GPHN: variants seen among roughly 807,000 people sequenced by gnomAD.
GPHN encodes gephyrin.
GPHN carries 17 observed loss-of-function variants against 95.5 expected under a neutral mutation model. The ratio of observed to expected loss-of-function variants is 0.18; its 90% confidence interval spans 0.12 to 0.27. The LOEUF (loss-of-function observed/expected upper bound fraction) is 0.27, where lower values mean the gene tolerates loss of function less well. GPHN is among the 10% of genes least tolerant of loss of function. GPHN has a pLI of 1.00. For missense variants in GPHN, 660 were observed against 978.1 expected (o/e 0.67, Z 4.34); for synonymous variants, 320 against 322.5 (o/e 0.99, Z 0.08).
intron 3 of GPHN, among the ~76,000 whole-genome samples, chr14:66,800,814 T>C (rs972709977): frequency 1.3e-5 from 2 of 152,132 alleles, no homozygotes; most frequent in African/African-American, 4.8e-5. Flanking sequence ...TCTCCTCTTT[T>C]TAGGCCTGTA....
intron 1 of GPHN, among the ~76,000 whole-genome samples, chr14:66,632,916 C>T (rs2063898912): frequency 6.6e-6 from 1 of 152,192 alleles, no homozygotes; most frequent in Non-Finnish European, 1.5e-5. Flanking sequence ...TCTTACTTCA[C>T]TTAGTGGAAC....
At chr14:66,831,508 T>C (rs114437872) in intron 4 of GPHN, among the ~76,000 whole-genome samples, 1 of 152,198 alleles carries the variant, frequency 6.6e-6, no homozygotes, top group African/African-American at 2.4e-5. Context: ...CATCCTAATT[T>C]TATGAAATAG....
At chr14:67,227,154 G>A in the GPHN span, among the ~76,000 whole-genome samples, 1 of 152,028 alleles carries the variant, frequency 6.6e-6, no homozygotes, top group African/African-American at 2.4e-5. Context: ...TGAAAAATTT[G>A]CTCCCAGCTG....
intron 9 of GPHN, among the ~76,000 whole-genome samples, chr14:66,991,268 G>A (rs1377441781): frequency 1.3e-5 from 2 of 152,004 alleles, no homozygotes; most frequent in African/African-American, 4.8e-5. Context: ...TTGTACCTAA[G>A]CAGAATTTTA....
intron 10 of GPHN, among the ~76,000 whole-genome samples, chr14:67,056,000 T>G (rs1018377280): frequency 6.6e-6 from 1 of 152,174 alleles, no homozygotes. Context: ...ACCTTCACCG[T>G]GAGTGTTACA....
chr14:67,302,105 G>A, the GPHN span: 444 of 1,601,842 alleles, frequency 2.8e-4, 5 homozygotes, highest in East Asian at 9.8e-3. Context: ...GAAAAGGCTC[G>A]TGATATTCCG....
intron 2 of GPHN, among the ~76,000 whole-genome samples, chr14:66,696,106 A>G (rs1052886487): frequency 6.6e-6 from 1 of 152,236 alleles, no homozygotes; most frequent in African/African-American, 2.4e-5. Flanking sequence ...ATATTGCAGT[A>G]CAAGGGATAT....
At chr14:67,726,677 G>A in the GPHN span, among the ~76,000 whole-genome samples, 8 of 152,322 alleles carry the variant, frequency 5.3e-5, no homozygotes, top group African/African-American at 1.2e-4. Flanking sequence ...CTATACACAA[G>A]TGTACCTGGG....
chr14:66,879,885 T>A, intron 4 of GPHN, 54 bp from the exon 5 acceptor site: 1 of 1,120,072 alleles, frequency 8.9e-7, no homozygotes, highest in Non-Finnish European at 1.4e-6. Context: ...CTAGTCTGAC[T>A]TCATTCTTTT....
chr14:66,931,043 TTGA>T (rs1183550702), intron 8 of GPHN, among the ~76,000 whole-genome samples: 1 of 152,206 alleles, frequency 6.6e-6, no homozygotes, highest in Non-Finnish European at 1.5e-5. Flanking sequence ...AGGTCTGGTG[TTGA>T]TGAAACCCCT....
the GPHN span, among the ~76,000 whole-genome samples, chr14:67,535,952 A>G: frequency 2.6e-5 from 4 of 152,340 alleles, no homozygotes; most frequent in East Asian, 7.7e-4. Context: ...CAATTTCAGA[A>G]TGGAACTGAG....
chr14:66,867,481 C>T (rs1008721598), intron 4 of GPHN, among the ~76,000 whole-genome samples: 1 of 152,272 alleles, frequency 6.6e-6, no homozygotes, highest in East Asian at 1.9e-4. Flanking sequence ...ACTCCTTGAA[C>T]ATCCTTGGGA....
chr14:67,492,914 T>C, the GPHN span, among the ~76,000 whole-genome samples: 2 of 152,158 alleles, frequency 1.3e-5, no homozygotes, highest in Admixed American at 6.5e-5. Context: ...ACTAAGCAGC[T>C]CTAAACATAC....
the GPHN span, among the ~76,000 whole-genome samples, chr14:67,700,887 C>T: frequency 8.7e-3 from 1,292 of 148,844 alleles, 9 homozygotes; most frequent in Non-Finnish European, 0.014. Flanking sequence ...TAGCTGGGCA[C>T]GGCGGCGAAT....
intron 1 of GPHN, among the ~76,000 whole-genome samples, chr14:66,519,158 G>C (rs1189481832): frequency 6.6e-6 from 1 of 151,740 alleles, no homozygotes; most frequent in Non-Finnish European, 1.5e-5. Flanking sequence ...AAATAAGAAA[G>C]CTCCTGAATT....
chr14:67,690,983 AT>A, the GPHN span: 5 of 640,938 alleles, frequency 7.8e-6, no homozygotes, highest in Admixed American at 4.9e-5. Flanking sequence ...GCCCTCAGGT[AT>A]TCCTCAGCTA....
At chr14:67,573,359 G>A in the GPHN span, 5 of 1,612,148 alleles carry the variant, frequency 3.1e-6, no homozygotes, top group East Asian at 2.2e-5. This position sits in a 1 kb window ranked among gnomAD's most constrained non-coding sequence, Gnocchi z 4.8. Context: ...TCCTGAGACA[G>A]GGACAGATTA....
At chr14:66,576,972 T>C (rs2060931245) in intron 1 of GPHN, among the ~76,000 whole-genome samples, 1 of 152,204 alleles carries the variant, frequency 6.6e-6, no homozygotes, top group Non-Finnish European at 1.5e-5. Flanking sequence ...AATCAATGTC[T>C]GTGTCATTTA....
At chr14:67,691,976 T>A in the GPHN span, 1 of 156,420 alleles carries the variant, frequency 6.4e-6, no homozygotes, top group Non-Finnish European at 1.4e-5. Context: ...CATCTATGTC[T>A]AAAGAGATGG....
Sources: allele counts gnomAD v4.1 joint callset (sites outside exome capture counted in the v4.1 genomes callset), GRCh38; gene constraint gnomAD v4.1.1; non-coding constraint Gnocchi (gnomAD v3.1); transcripts MANE v1.5; gene names NCBI Gene and HGNC (gene_info 2026-07-23, HGNC 2026-07-21).